FRMD6: variants seen among roughly 807,000 people sequenced by gnomAD.
FRMD6 encodes FERM domain containing 6, also known as FERM domain-containing protein 6.
A neutral mutation model predicts 73.2 loss-of-function variants in FRMD6; 37 were observed. The ratio of observed to expected loss-of-function variants is 0.51; its 90% CI spans 0.39 to 0.66. FRMD6 has a LOEUF of 0.66. Ranked by LOEUF, FRMD6 falls within the 30% of genes least tolerant of loss-of-function variation. The pLI is 0.00. For missense variants in FRMD6, 714 were observed against 780.5 expected (o/e 0.91, Z 1.02); for synonymous variants, 273 against 282.2 (o/e 0.97, Z 0.33).
intron 11 of FRMD6, among the ~76,000 whole-genome samples, 193 bp from the exon 12 acceptor site, chr14:51,721,756 A>AGGGG (rs1566598564): frequency 8.0e-6 from 1 of 124,660 alleles, no homozygotes; most frequent in Non-Finnish European, 1.9e-5. Flanking sequence ...GGGAGGAAGG[A>AGGGG]AGGAGGGAAG....
chr14:51,406,340 T>C, the FRMD6 span, among the ~76,000 whole-genome samples: 65 of 149,244 alleles, frequency 4.4e-4, no homozygotes, highest in African/African-American at 1.6e-3. Context: ...GAATTTTTAG[T>C]TTTTTTTTAG....
intron 2 of FRMD6, among the ~76,000 whole-genome samples, chr14:51,610,300 T>C (rs1399085208): frequency 6.7e-6 from 1 of 149,486 alleles, no homozygotes. Flanking sequence ...CATAAGCTGA[T>C]AGGTCCCATC....
At position 51,714,130 on chromosome 14, in the gene FRMD6, G is replaced by C. The variant is rs1481182455; in HGVS notation, c.850-1195G>C. ...CAGCTCTGCCTAGCTGTATGACCTT[G>C]AGCAAGTTACATAAACTCTGTGCCT... On this transcript the variant is annotated intron_variant, in intron 9 of 13. Transcript: ENST00000344768. 2.0e-5 allele frequency: 3 copies of C among 152,132 alleles called. No individual in the cohort carries two copies. In the East Asian group the frequency reaches 5.8e-4, roughly 29 times the overall value. 9.4% of individuals were successfully genotyped at this position (152,132 alleles called of 1,614,324 possible).
chr14:51,718,730 C>T (rs962060309), intron 10 of FRMD6, among the ~76,000 whole-genome samples: 1 of 152,208 alleles, frequency 6.6e-6, no homozygotes, highest in Non-Finnish European at 1.5e-5. Context: ...GCAACACATA[C>T]TCACCTTTGT....
At chr14:51,714,206 G>A (rs1897114091) in intron 9 of FRMD6, 1 of 152,112 alleles carries the variant, frequency 6.6e-6, no homozygotes, top group Non-Finnish European at 1.5e-5. Context: ...GACTTGCTTT[G>A]AGGATTAAAT....
intron 1 of FRMD6, among the ~76,000 whole-genome samples, chr14:51,681,803 A>G (rs944565245): frequency 1.3e-5 from 2 of 152,242 alleles, no homozygotes; most frequent in South Asian, 2.1e-4. Context: ...TTTATAAAAT[A>G]TGCTTCAAAT....
intron 2 of FRMD6, among the ~76,000 whole-genome samples, chr14:51,600,968 A>G (rs765324840): frequency 3.9e-5 from 6 of 152,232 alleles, no homozygotes; most frequent in Non-Finnish European, 5.9e-5. Context: ...CTTTGAAATG[A>G]AAATTGGGTG....
the FRMD6 span, among the ~76,000 whole-genome samples, chr14:51,420,188 G>T: frequency 1.3e-5 from 2 of 152,162 alleles, no homozygotes. Context: ...CTGAATAACT[G>T]CATGGAACAA....
chr14:51,491,569 T>G (rs1883002274), intron 1 of FRMD6: 1 of 152,214 alleles, frequency 6.6e-6, no homozygotes, highest in African/African-American at 2.4e-5. Context: ...CCTGATCTAA[T>G]TTATTCTTTA....
rs146964461 is a variant in FRMD6 at position 51,596,329 on chromosome 14, G to C, written c.-147+25919G>C. 5.1e-4 allele frequency among the ~76,000 whole-genome samples: 78 copies of C among 151,666 alleles called. No individual in the cohort carries two copies. The East Asian group carries it at 0.014, about 28-fold the overall frequency. ...AAATCTGATACGTAGCCAGAATCAA[G>C]CACCCTCACATTACTGATTTCAGGG... On this transcript the variant is annotated intron_variant, in intron 2 of 14. Coordinates refer to the FRMD6 transcript ENST00000356218.
the FRMD6 span, among the ~76,000 whole-genome samples, chr14:51,418,183 C>G: frequency 6.6e-6 from 1 of 152,178 alleles, no homozygotes; most frequent in African/African-American, 2.4e-5. Flanking sequence ...CTCCATCCAG[C>G]TTTGTTCCAT....
chr14:51,521,475 G>A (rs1335686242), intron 1 of FRMD6, among the ~76,000 whole-genome samples: 1 of 151,874 alleles, frequency 6.6e-6, no homozygotes, highest in Non-Finnish European at 1.5e-5. Context: ...CAGAGAATAT[G>A]CAACACAATG....
At chr14:51,603,521 A>G (rs79831492) in intron 2 of FRMD6, among the ~76,000 whole-genome samples, 9,962 of 152,272 alleles carry the variant, frequency 0.065, 456 homozygotes, top group East Asian at 0.14. Flanking sequence ...GGAAAAATAC[A>G]TAACGAAAAA....
chr14:51,517,032 T>C (rs1884673400), intron 1 of FRMD6, among the ~76,000 whole-genome samples: 1 of 152,236 alleles, frequency 6.6e-6, no homozygotes, highest in Non-Finnish European at 1.5e-5. Flanking sequence ...TCATTTTCAA[T>C]TCCCTTTATC....
chr14:51,655,167 AC>A (rs1242359286), intron 1 of FRMD6, among the ~76,000 whole-genome samples: 13 of 151,792 alleles, frequency 8.6e-5, no homozygotes, highest in Non-Finnish European at 1.5e-4. Flanking sequence ...CCTCCTCCCC[AC>A]CCCCAACGAG....
chr14:51,532,285 C>T (rs1278270724), intron 1 of FRMD6, among the ~76,000 whole-genome samples: 3 of 148,824 alleles, frequency 2.0e-5, no homozygotes, highest in South Asian at 2.1e-4. Context: ...AGGAGAATGG[C>T]GTGAACCCAG....
At chr14:51,530,578 T>C (rs1885524702) in intron 1 of FRMD6, among the ~76,000 whole-genome samples, 1 of 152,052 alleles carries the variant, frequency 6.6e-6, no homozygotes, top group Non-Finnish European at 1.5e-5. Context: ...CTTCTGGGGA[T>C]CAAGTGATCC....
chr14:51,464,326 A>G, the FRMD6 span, among the ~76,000 whole-genome samples: 10 of 152,244 alleles, frequency 6.6e-5, no homozygotes, highest in Admixed American at 2.0e-4. Context: ...GCAAACCACC[A>G]TGGCACACAT....
At chr14:51,466,839 A>C in the FRMD6 span, among the ~76,000 whole-genome samples, 2 of 152,248 alleles carry the variant, frequency 1.3e-5, no homozygotes, top group Admixed American at 1.3e-4. Context: ...AATTGCTATC[A>C]TAACCATGTT....
Sources: gnomAD v4.1 joint callset for allele counts (sites outside exome capture counted in the v4.1 genomes callset) on GRCh38, gnomAD v4.1.1 for gene constraint, MANE v1.5 for transcripts, NCBI Gene and HGNC (gene_info 2026-07-23, HGNC 2026-07-21) for gene names.